IL1RAPL2: variants seen among roughly 807,000 people sequenced by gnomAD.
IL1RAPL2 encodes interleukin 1 receptor accessory protein like 2, also known as X-linked interleukin-1 receptor accessory protein-like 2.
A neutral mutation model predicts 44.1 loss-of-function variants in IL1RAPL2; 3 were observed. The ratio of observed to expected loss-of-function variants is 0.07; its 90% CI spans 0.03 to 0.18. IL1RAPL2 has a LOEUF of 0.18. IL1RAPL2 is among the 10% of genes least tolerant of loss of function. The pLI, the probability that IL1RAPL2 is intolerant of heterozygous loss-of-function variation, is 1.00. For synonymous variants in IL1RAPL2, 181 were observed against 178.8 expected (o/e 1.01, Z -0.10); for missense variants, 391 against 496.4 (o/e 0.79, Z 2.02).
chrX:104,856,302 ATATT>A (rs1922363381), intron 2 of IL1RAPL2, among the ~76,000 whole-genome samples: 1 of 112,271 alleles, frequency 8.9e-6, no homozygotes, highest in African/African-American at 3.2e-5. Flanking sequence ...TTGTATTCAA[ATATT>A]TATTATCTTA....
At chrX:105,620,560 A>G (rs1050088235) in intron 6 of IL1RAPL2, among the ~76,000 whole-genome samples, 6 of 110,393 alleles carry the variant, frequency 5.4e-5, no homozygotes, top group African/African-American at 2.0e-4. Context: ...TAAGTAACTT[A>G]GCCAAAATCT....
intron 5 of IL1RAPL2, among the ~76,000 whole-genome samples, chrX:105,292,591 C>T (rs2034622009): frequency 8.9e-6 from 1 of 111,792 alleles, no homozygotes; most frequent in Non-Finnish European, 1.9e-5. Context: ...AGGCATTAAA[C>T]AGATTTTCAA....
At chrX:105,434,096 T>C (rs1407775963) in intron 5 of IL1RAPL2, among the ~76,000 whole-genome samples, 1 of 111,709 alleles carries the variant, frequency 9.0e-6, no homozygotes, top group East Asian at 2.8e-4. Flanking sequence ...AAAGAAGATA[T>C]ACAGATGCTA....
rs143734101 is a variant in IL1RAPL2 at position 105,254,199 on chromosome X, A to G, written c.544-13189A>G. ...GTATAAGTGTTCCTTTTTCTCCACA[A>G]CCTCACCAGCATCTGTTATTTTTTG... is the stretch of plus-strand genomic sequence containing the variant. On this transcript the variant is annotated intron_variant, in intron 4 of 10. Transcript: ENST00000372582. 1.6e-4 allele frequency among the ~76,000 whole-genome samples: 18 copies of G among 111,398 alleles called. No homozygotes were observed. In the East Asian group the frequency reaches 4.8e-3, roughly 30 times the overall value.
intron 1 of IL1RAPL2, among the ~76,000 whole-genome samples, chrX:104,631,446 G>C (rs1320813739): frequency 3.6e-5 from 4 of 111,464 alleles, no homozygotes; most frequent in Non-Finnish European, 5.7e-5. Flanking sequence ...CTAGTTTACA[G>C]TCCCACCAAC....
chrX:104,886,326 G>C (rs1923242260), intron 2 of IL1RAPL2, among the ~76,000 whole-genome samples: 1 of 105,525 alleles, frequency 9.5e-6, no homozygotes, highest in Admixed American at 1.0e-4. Context: ...AATCAAACCT[G>C]AAGTCTGGGC....
intron 1 of IL1RAPL2, among the ~76,000 whole-genome samples, chrX:104,599,512 T>G (rs1017345892): frequency 1.8e-5 from 2 of 110,554 alleles, no homozygotes; most frequent in African/African-American, 6.6e-5. Context: ...CCTTTCAAAG[T>G]GCTGGGATCA....
intron 2 of IL1RAPL2, among the ~76,000 whole-genome samples, chrX:104,759,146 C>A (rs1387114159): frequency 8.9e-6 from 1 of 112,416 alleles, no homozygotes; most frequent in Non-Finnish European, 1.9e-5. Context: ...ACAATGTAAT[C>A]AAAGGCATCA....
intron 4 of IL1RAPL2, among the ~76,000 whole-genome samples, chrX:105,240,754 G>A (rs1008406710): frequency 2.7e-5 from 3 of 112,183 alleles, no homozygotes; most frequent in Non-Finnish European, 5.6e-5. Context: ...TACTCAGACA[G>A]TAGAATTTTA....
intron 2 of IL1RAPL2, among the ~76,000 whole-genome samples, chrX:104,949,478 T>G (rs911034039): frequency 1.1e-4 from 12 of 106,002 alleles, no homozygotes; most frequent in African/African-American, 4.1e-4. Context: ...ATGTGTTTGC[T>G]CTTGCTTTTC....
intron 2 of IL1RAPL2, among the ~76,000 whole-genome samples, chrX:104,740,223 G>A (rs1932080722): frequency 9.0e-6 from 1 of 110,977 alleles, no homozygotes; most frequent in African/African-American, 3.3e-5. Flanking sequence ...CATGGTTTCA[G>A]GTCATCAGAA....
intron 2 of IL1RAPL2, among the ~76,000 whole-genome samples, chrX:104,788,494 AATCAACTATATGCAAAGTACTC>A (rs1157115804): frequency 8.9e-5 from 10 of 112,433 alleles, no homozygotes; most frequent in East Asian, 2.8e-4. Flanking sequence ...GCAAAGTATT[AATCAACTATATGCAAAGTACTC>A]ATCAACTATA....
intron 2 of IL1RAPL2, among the ~76,000 whole-genome samples, chrX:105,161,171 T>C (rs1217484482): frequency 9.1e-6 from 1 of 110,384 alleles, no homozygotes; most frequent in African/African-American, 3.3e-5. Context: ...TGAGCCATCA[T>C]TGTGCCACTG....
At chrX:105,072,222 C>T (rs1051920732) in intron 2 of IL1RAPL2, among the ~76,000 whole-genome samples, 1 of 111,629 alleles carries the variant, frequency 9.0e-6, no homozygotes. Flanking sequence ...GTAATGCATG[C>T]CTGCTTCCCT....
At chrX:105,033,548 G>T (rs891192228) in intron 2 of IL1RAPL2, among the ~76,000 whole-genome samples, 1 of 111,573 alleles carries the variant, frequency 9.0e-6, no homozygotes, top group Non-Finnish European at 1.9e-5. Flanking sequence ...GTTGAATATT[G>T]GCCCCCACTC....
chrX:105,229,270 A>G (rs999789656), intron 3 of IL1RAPL2, among the ~76,000 whole-genome samples: 5 of 112,394 alleles, frequency 4.4e-5, no homozygotes, highest in Non-Finnish European at 9.4e-5. Flanking sequence ...GGGCTGGATT[A>G]CACAACTAAT....
At chrX:104,852,825 T>A (rs1486432839) in intron 2 of IL1RAPL2, among the ~76,000 whole-genome samples, 1 of 111,869 alleles carries the variant, frequency 8.9e-6, no homozygotes, top group Non-Finnish European at 1.9e-5. Context: ...ATTGATGAAT[T>A]GCTTCTGGGA....
chrX:105,429,136 A>G (rs2035830901), intron 5 of IL1RAPL2, among the ~76,000 whole-genome samples: 1 of 111,961 alleles, frequency 8.9e-6, no homozygotes, highest in African/African-American at 3.2e-5. Flanking sequence ...TTCACCACTT[A>G]GCACTTTGTG....
At chrX:105,316,632 C>T (rs1034199414) in intron 5 of IL1RAPL2, among the ~76,000 whole-genome samples, 1 of 111,891 alleles carries the variant, frequency 8.9e-6, no homozygotes, top group East Asian at 2.8e-4. Context: ...ATCAAATAAA[C>T]CTTGAATGAA....
Sources: allele counts gnomAD v4.1 joint callset (sites outside exome capture counted in the v4.1 genomes callset), GRCh38; gene constraint gnomAD v4.1.1; transcripts MANE v1.5; gene names NCBI Gene and HGNC (gene_info 2026-07-23, HGNC 2026-07-21).